The following KANK1 variants were observed in gnomAD, a reference collection of about 807,000 sequenced individuals.
KANK1 encodes KN motif and ankyrin repeat domains 1.
Under a neutral mutation model 106.2 loss-of-function variants are expected in KANK1, and 109 were observed. The observed-to-expected ratio is 1.03, with a 90% confidence interval of 0.88 to 1.20. The LOEUF (loss-of-function observed/expected upper bound fraction) is 1.20, where lower values mean the gene tolerates loss of function less well. Ranked by LOEUF, KANK1 falls within the 50% of genes most tolerant of loss-of-function variation. KANK1 has a pLI of 0.00. For synonymous variants in KANK1, 873 were observed against 652.2 expected (o/e 1.34, Z -5.16); for missense variants, 2,399 against 1,710.7 (o/e 1.40, Z -7.10).
At chr9:622,926 A>G (rs2136451886) in intron 1 of KANK1, among the ~76,000 whole-genome samples, 1 of 152,234 alleles carries the variant, frequency 6.6e-6, no homozygotes, top group Middle Eastern at 3.4e-3. Context: ...GAAAGACTTA[A>G]TGGTAAGGCC....
At chr9:569,925 T>C (rs1818750041) in intron 1 of KANK1, among the ~76,000 whole-genome samples, 1 of 152,178 alleles carries the variant, frequency 6.6e-6, no homozygotes, top group Non-Finnish European at 1.5e-5. Context: ...TCCGTAACAC[T>C]TGATACGTTG....
At chr9:643,109 CTTA>C in intron 1 of KANK1, among the ~76,000 whole-genome samples, 1 of 150,794 alleles carries the variant, frequency 6.6e-6, no homozygotes, top group South Asian at 2.1e-4. Flanking sequence ...TTGGAAAGAT[CTTA>C]TTCTTTAAAG....
chr9:653,783 A>G (rs574300111), intron 1 of KANK1, among the ~76,000 whole-genome samples: 3 of 152,294 alleles, frequency 2.0e-5, no homozygotes, highest in South Asian at 4.1e-4. Flanking sequence ...AAAAAGAAGG[A>G]GAGGATAGCA....
chr9:629,647 C>T (rs1489585680), intron 1 of KANK1, among the ~76,000 whole-genome samples: 1 of 152,196 alleles, frequency 6.6e-6, no homozygotes, highest in African/African-American at 2.4e-5. Context: ...ATACCTGATT[C>T]TCCCTTCTCC....
At chr9:650,204 A>G (rs1383369367) in intron 1 of KANK1, among the ~76,000 whole-genome samples, 1 of 152,226 alleles carries the variant, frequency 6.6e-6, no homozygotes, top group Non-Finnish European at 1.5e-5. Context: ...AATCAAATAC[A>G]TAAATCTACC....
chr9:506,527 G>GGTGTGTGTGT (rs36217612), intron 1 of KANK1, among the ~76,000 whole-genome samples: 1 of 149,548 alleles, frequency 6.7e-6, no homozygotes, highest in Non-Finnish European at 1.5e-5. Context: ...GTGAGTTCTG[G>GGTGTGTGTGT]GTGTGTGTGT....
chr9:661,090 T>TG (rs1206184290), intron 1 of KANK1, among the ~76,000 whole-genome samples: 2 of 151,298 alleles, frequency 1.3e-5, no homozygotes, highest in African/African-American at 2.4e-5. Flanking sequence ...TTTGTTTGTT[T>TG]TTTTCCCCTC....
At position 567,700 on chromosome 9, in the gene KANK1, T is replaced by A. The variant is rs1818147279; in HGVS notation, c.-84+62946T>A. ...CAAGTCATCCATGAGAATGTTTTCC[T>A]CTGAAAGGCAGCACTTCTTGATAAG... On this transcript the variant is annotated intron_variant, in intron 1 of 11. Coordinates refer to ENST00000382297, the MANE Select transcript of KANK1 (RefSeq NM_015158.5). Among the ~76,000 whole-genome samples, 5 of 152,344 alleles carry A rather than the reference T, an allele frequency of 3.3e-5. No individual in the cohort carries two copies. The South Asian group carries it at 1.0e-3, about 32-fold the overall frequency.
intron 1 of KANK1, among the ~76,000 whole-genome samples, chr9:636,958 C>G (rs924879400): frequency 5.9e-5 from 9 of 152,210 alleles, no homozygotes; most frequent in Non-Finnish European, 1.3e-4. Context: ...CCACTTTAGA[C>G]TTTGCCAGTC....
upstream of KANK1, among the ~76,000 whole-genome samples, chr9:502,528 CT>C (rs61692364): frequency 2.7e-3 from 363 of 132,204 alleles, 1 homozygote; most frequent in Admixed American, 5.1e-3. Context: ...ATGGAGAGCA[CT>C]TTTTTTTTTT....
At chr9:542,844 A>G (rs1048814272) in intron 1 of KANK1, among the ~76,000 whole-genome samples, 4 of 108,302 alleles carry the variant, frequency 3.7e-5, no homozygotes, top group Non-Finnish European at 6.6e-5. Flanking sequence ...AAGAAAGTCA[A>G]ACTCTCACAG....
chr9:631,003 T>C (rs2136767861), intron 1 of KANK1, among the ~76,000 whole-genome samples: 1 of 152,178 alleles, frequency 6.6e-6, no homozygotes, highest in African/African-American at 2.4e-5. Context: ...TGGTTGTTGA[T>C]TGTTTAAGGA....
intron 3 of KANK1, among the ~76,000 whole-genome samples, chr9:481,989 C>G (rs1330535773): frequency 1.3e-5 from 2 of 152,180 alleles, no homozygotes; most frequent in Non-Finnish European, 2.9e-5. Flanking sequence ...TCAACTTCTT[C>G]CTCAGATCCT....
chr9:655,450 G>A (rs1221966417), intron 1 of KANK1, among the ~76,000 whole-genome samples: 2 of 150,998 alleles, frequency 1.3e-5, no homozygotes, highest in Non-Finnish European at 2.9e-5. Context: ...GGGTTAGGAA[G>A]CTTAAGACTT....
chr9:649,823 C>A (rs973063108), intron 1 of KANK1, among the ~76,000 whole-genome samples: 3 of 152,170 alleles, frequency 2.0e-5, no homozygotes, highest in Non-Finnish European at 4.4e-5. Flanking sequence ...GTCCCCCTGC[C>A]CACATATGCA....
At chr9:526,972 A>C (rs1305612946) in intron 1 of KANK1, among the ~76,000 whole-genome samples, 1 of 151,830 alleles carries the variant, frequency 6.6e-6, no homozygotes, top group Non-Finnish European at 1.5e-5. Context: ...TTATAGTATT[A>C]TTTAGACTGG....
At chr9:696,051 G>C (rs1290840978) in intron 2 of KANK1, among the ~76,000 whole-genome samples, 2 of 151,846 alleles carry the variant, frequency 1.3e-5, no homozygotes, top group African/African-American at 4.8e-5. Context: ...CCAGCACTTT[G>C]GGAAGCCCGG....
At chr9:476,413 C>A (rs1020227050) in intron 3 of KANK1, among the ~76,000 whole-genome samples, 1 of 151,674 alleles carries the variant, frequency 6.6e-6, no homozygotes, top group South Asian at 2.1e-4. Context: ...CCCAGCTACT[C>A]GCGAGGCTGA....
At chr9:607,939 C>G (rs893144913) in intron 1 of KANK1, among the ~76,000 whole-genome samples, 10 of 150,514 alleles carry the variant, frequency 6.6e-5, no homozygotes, top group African/African-American at 2.5e-4. Context: ...GTGAACATCT[C>G]TCTGTGTGTG....
Sources: gnomAD v4.1 joint callset for allele counts (sites outside exome capture counted in the v4.1 genomes callset) on GRCh38, gnomAD v4.1.1 for gene constraint, MANE v1.5 for transcripts, NCBI Gene and HGNC (gene_info 2026-07-23, HGNC 2026-07-21) for gene names.